ADAMTS17: variants seen among roughly 807,000 people sequenced by gnomAD.
ADAMTS17 encodes A disintegrin and metalloproteinase with thrombospondin motifs 17.
A neutral mutation model predicts 141.5 loss-of-function variants in ADAMTS17; 113 were observed. That is an observed-to-expected ratio of 0.80 (90% confidence interval 0.69 to 0.93). The LOEUF (loss-of-function observed/expected upper bound fraction) is 0.93, where lower values mean the gene tolerates loss of function less well. Ranked by LOEUF, ADAMTS17 falls within the 40% of genes least tolerant of loss-of-function variation. The pLI, the probability that ADAMTS17 is intolerant of heterozygous loss-of-function variation, is 0.00. For missense variants in ADAMTS17, 1,659 were observed against 1,517.9 expected (o/e 1.09, Z -1.54); for synonymous variants, 768 against 630.6 (o/e 1.22, Z -3.27).
At chr15:100,097,693 G>C (rs912430687) in intron 14 of ADAMTS17, among the ~76,000 whole-genome samples, 20 of 152,214 alleles carry the variant, frequency 1.3e-4, no homozygotes, top group African/African-American at 4.3e-4. Flanking sequence ...CCCAGCCCTA[G>C]AGTTTCTGAC....
At chr15:100,339,635 C>T (rs1324326910) in intron 2 of ADAMTS17, among the ~76,000 whole-genome samples, 3 of 110,672 alleles carry the variant, frequency 2.7e-5, no homozygotes, top group Non-Finnish European at 4.0e-5. Context: ...CCACATTCCC[C>T]GCCCCAGGTC....
chr15:100,328,458 C>G (rs924371674), intron 3 of ADAMTS17, among the ~76,000 whole-genome samples: 1 of 152,208 alleles, frequency 6.6e-6, no homozygotes, highest in Non-Finnish European at 1.5e-5. Context: ...GAGCCTGAGT[C>G]TGGCACAACC....
At chr15:100,049,028 G>T (rs1439369540) in intron 17 of ADAMTS17, 36 bp from the exon 18 acceptor site, 16 of 1,613,956 alleles carry the variant, frequency 9.9e-6, no homozygotes, top group Non-Finnish European at 1.4e-5. Flanking sequence ...AGAGACTGTG[G>T]CTGCACCCAC....
intron 7 of ADAMTS17, among the ~76,000 whole-genome samples, chr15:100,243,441 C>A (rs112333137): frequency 3.7e-4 from 56 of 152,312 alleles, no homozygotes; most frequent in Middle Eastern, 3.4e-3. Flanking sequence ...CAGCAGTGCA[C>A]AAGGGTTCCC....
At chr15:99,988,027 T>G (rs1403549606) in intron 20 of ADAMTS17, among the ~76,000 whole-genome samples, 1 of 151,516 alleles carries the variant, frequency 6.6e-6, no homozygotes, top group African/African-American at 2.4e-5. Flanking sequence ...AAACCAACCT[T>G]CCCCCAGCTC....
chr15:100,268,548 T>C (rs1259183566), intron 4 of ADAMTS17, among the ~76,000 whole-genome samples: 2 of 152,230 alleles, frequency 1.3e-5, no homozygotes, highest in Non-Finnish European at 2.9e-5. Flanking sequence ...TGATTGCTGA[T>C]GTGGAGCATC....
chr15:99,992,254 G>A (rs1012802965), intron 20 of ADAMTS17, among the ~76,000 whole-genome samples: 2 of 152,126 alleles, frequency 1.3e-5, no homozygotes, highest in Non-Finnish European at 2.9e-5. Flanking sequence ...AATGGCTCTA[G>A]GTCAGCAGTT....
intron 18 of ADAMTS17, among the ~76,000 whole-genome samples, chr15:100,007,003 T>C (rs1178851818): frequency 6.6e-6 from 1 of 152,196 alleles, no homozygotes; most frequent in Non-Finnish European, 1.5e-5. Flanking sequence ...CAACCTCACG[T>C]TGAGTCCTGA....
chr15:100,341,061 G>A lies in ADAMTS17; in HGVS notation c.428C>T (p.Ala143Val). 1 of 1,523,680 alleles carries A rather than the reference G, an allele frequency of 6.6e-7. No individual in the cohort carries two copies. Among genetic ancestry groups the A allele is most frequent in the East Asian group, 2.5e-5 (1 of 40,108 alleles). The allele number at this position is 1,523,680 out of a possible 1,614,324, so 94.4% of individuals were successfully genotyped here. Residue 143 changes from alanine (A) to valine (V), a missense_variant, in exon 2 of 22, where the codon GCC becomes GTC. Coordinates refer to ENST00000268070, the MANE Select transcript of ADAMTS17 (RefSeq NM_139057.4). ...GHPGSLVSLSACGAAGGLVGL... is the reference protein window; with the variant it reads ...GHPGSLVSLSVCGAAGGLVGL... ...TACCAGGCCGCCGGCGGCGCCGCAG[G>A]CGCTGAGCGAGACGAGGGAGCCGGG...
At chr15:100,182,941 T>C (rs1342478165) in intron 8 of ADAMTS17, among the ~76,000 whole-genome samples, 1 of 151,336 alleles carries the variant, frequency 6.6e-6, no homozygotes, top group Non-Finnish European at 1.5e-5. Flanking sequence ...TTTCTTCAAA[T>C]ATTTTTTCCA....
chr15:100,312,174 G>A (rs2045426523), intron 3 of ADAMTS17, among the ~76,000 whole-genome samples: 1 of 152,236 alleles, frequency 6.6e-6, no homozygotes, highest in Non-Finnish European at 1.5e-5. Flanking sequence ...ATCCAGCTAA[G>A]GTTTTGAGAT....
At position 99,971,663 on chromosome 15, in the gene ADAMTS17, T is replaced by A. The variant is rs990665106; in HGVS notation, c.*2739A>T. 1.3e-5 allele frequency: 2 copies of A among 152,014 alleles called. No individual in the cohort carries two copies. The highest frequency in any genetic ancestry group is 2.4e-5 in the African/African-American group (1 of 41,338). The allele number at this position is 152,014 out of a possible 1,614,324, so 9.4% of individuals were successfully genotyped here. ...TGACTCTGAAACGAAAAAAGGACAATCGTATTGCCATAGAGGCTCTTTTCC... is the reference window on the plus strand; with the variant it reads ...TGACTCTGAAACGAAAAAAGGACAAACGTATTGCCATAGAGGCTCTTTTCC... On this transcript the variant is annotated 3_prime_UTR_variant, in exon 22 of 22. Coordinates refer to ENST00000268070, the MANE Select transcript of ADAMTS17 (RefSeq NM_139057.4).
At chr15:100,241,233 C>T (rs1017294624) in intron 7 of ADAMTS17, among the ~76,000 whole-genome samples, 5 of 152,172 alleles carry the variant, frequency 3.3e-5, no homozygotes, top group African/African-American at 1.2e-4. Context: ...AACTCCAAGA[C>T]TACTTTTTAA....
chr15:99,972,023 G>C lies in ADAMTS17; in HGVS notation c.*2379C>G, dbSNP rs182417427. The C allele has an allele frequency of 6.6e-6, 1 of 152,198 alleles. No homozygotes were observed. The highest frequency in any genetic ancestry group is 1.5e-5 in the Non-Finnish European group (1 of 68,062). 9.4% of individuals were successfully genotyped at this position (152,198 alleles called of 1,614,324 possible). ...TCCCAGCACTTTGGAAGGCTGAGGC[G>C]GGTGGATCATGAGGTCAGGAGATCG... On this transcript the variant is annotated 3_prime_UTR_variant, in exon 22 of 22. Coordinates refer to ENST00000268070, the MANE Select transcript of ADAMTS17 (RefSeq NM_139057.4).
At chr15:100,162,206 A>G (rs996227685) in intron 8 of ADAMTS17, among the ~76,000 whole-genome samples, 1 of 151,978 alleles carries the variant, frequency 6.6e-6, no homozygotes, top group African/African-American at 2.4e-5. Flanking sequence ...ACAAGCAAGT[A>G]CTCAATTCTT....
At chr15:100,000,927 T>C (rs1299471079) in intron 18 of ADAMTS17, among the ~76,000 whole-genome samples, 2 of 152,230 alleles carry the variant, frequency 1.3e-5, no homozygotes, top group African/African-American at 4.8e-5. Flanking sequence ...TTTCTCTCAT[T>C]GCTCCTGAGA....
intron 20 of ADAMTS17, among the ~76,000 whole-genome samples, chr15:99,981,887 C>CA (rs1307967628): frequency 4.6e-5 from 7 of 152,188 alleles, no homozygotes; most frequent in African/African-American, 1.7e-4. Flanking sequence ...GAGGTGCTGC[C>CA]AGGCCTGCCC....
intron 12 of ADAMTS17, among the ~76,000 whole-genome samples, chr15:100,119,043 T>C (rs1005090360): frequency 2.0e-5 from 3 of 148,596 alleles, no homozygotes; most frequent in Admixed American, 6.7e-5. Context: ...CATCTGGAGA[T>C]ACACACACAC....
Position 100,057,836 on chromosome 15 carries a change from G to C in ADAMTS17, c.2138-3782C>G, listed in dbSNP as rs571974574. Reference sequence around the variant, plus strand: ...ACAGAGAGGACAGGCAGGAGTGCCAGTGCGGAGAGAAACCGTTTCTCCTGT... The same window carrying C: ...ACAGAGAGGACAGGCAGGAGTGCCACTGCGGAGAGAAACCGTTTCTCCTGT... On this transcript the variant is annotated intron_variant, in intron 15 of 21. Transcript: ENST00000268070. Among the ~76,000 whole-genome samples, 270 of 152,240 alleles carry C rather than the reference G, an allele frequency of 1.8e-3. 1 individual carries two copies. The highest frequency in any genetic ancestry group is 6.3e-3 in the African/African-American group (261 of 41,530).
Sources: allele counts gnomAD v4.1 joint callset (sites outside exome capture counted in the v4.1 genomes callset), GRCh38; gene constraint gnomAD v4.1.1; transcripts MANE v1.5; gene names NCBI Gene and HGNC (gene_info 2026-07-23, HGNC 2026-07-21).